ARK2C: variants seen among roughly 807,000 people sequenced by gnomAD.
ARK2C encodes E3 ubiquitin-protein ligase ARK2C.
the ARK2C span, among the ~76,000 whole-genome samples, chr18:46,439,814 GT>G: frequency 1.3e-5 from 2 of 152,162 alleles, no homozygotes; most frequent in African/African-American, 4.8e-5. Context: ...CTCATGGCCA[GT>G]TTTGTTTTTG....
chr18:46,459,738 G>A, the ARK2C span: 1 of 153,102 alleles, frequency 6.5e-6, no homozygotes, highest in East Asian at 1.9e-4. Context: ...CCCGGCACTG[G>A]TCAGGGAGTC....
chr18:46,437,510 C>G, the ARK2C span, among the ~76,000 whole-genome samples: 1 of 151,988 alleles, frequency 6.6e-6, no homozygotes, highest in South Asian at 2.1e-4. Context: ...GACTTCTGCC[C>G]TAGGTCATTC....
chr18:46,432,269 T>C, the ARK2C span, among the ~76,000 whole-genome samples: 1 of 152,240 alleles, frequency 6.6e-6, no homozygotes, highest in Non-Finnish European at 1.5e-5. Context: ...AGAGCTCAAA[T>C]TGAATGTAGC....
the ARK2C span, among the ~76,000 whole-genome samples, chr18:46,366,248 C>T: frequency 1.3e-4 from 19 of 142,048 alleles, no homozygotes; most frequent in South Asian, 1.1e-3. Flanking sequence ...GCCAAGATCA[C>T]GCCAGTGCAC....
the ARK2C span, among the ~76,000 whole-genome samples, chr18:46,426,947 C>A: frequency 6.6e-6 from 1 of 152,196 alleles, no homozygotes; most frequent in Non-Finnish European, 1.5e-5. Context: ...CATCACTGAT[C>A]GTTGATTTGT....
the ARK2C span, among the ~76,000 whole-genome samples, chr18:46,383,550 GTTTTTTTT>G: frequency 2.0e-5 from 2 of 97,892 alleles, no homozygotes; most frequent in African/African-American, 8.2e-5. Context: ...GGTTTTCTCT[GTTTTTTTT>G]TTTTTTTTTT....
chr18:46,361,654 G>A, the ARK2C span, among the ~76,000 whole-genome samples: 1 of 152,192 alleles, frequency 6.6e-6, no homozygotes, highest in Non-Finnish European at 1.5e-5. Flanking sequence ...TATGGCAGGA[G>A]CATGAAGCAA....
At chr18:46,397,172 G>A in the ARK2C span, among the ~76,000 whole-genome samples, 1 of 152,218 alleles carries the variant, frequency 6.6e-6, no homozygotes. Context: ...CAACTTGGAG[G>A]AGGAGGGTTG....
At chr18:46,405,008 A>G in the ARK2C span, among the ~76,000 whole-genome samples, 1 of 152,140 alleles carries the variant, frequency 6.6e-6, no homozygotes, top group African/African-American at 2.4e-5. Context: ...ACTGGACCAC[A>G]GAGCTTAGCT....
chr18:46,355,400 A>G, the ARK2C span, among the ~76,000 whole-genome samples: 1 of 152,090 alleles, frequency 6.6e-6, no homozygotes, highest in Non-Finnish European at 1.5e-5. Flanking sequence ...GTTCTATGGG[A>G]TGAGGATTCT....
the ARK2C span, among the ~76,000 whole-genome samples, chr18:46,442,034 G>A: frequency 4.0e-5 from 6 of 150,774 alleles, no homozygotes; most frequent in South Asian, 2.1e-4. Context: ...ATGGTGGCGC[G>A]CGCCTGTAGT....
chr18:46,334,138 C>T, the ARK2C span: 1 of 284,828 alleles, frequency 3.5e-6, no homozygotes, highest in Non-Finnish European at 5.2e-6. The surrounding 1 kb of genome is among the most constrained non-coding windows in gnomAD (Gnocchi z 4.4). Flanking sequence ...GCCGCCCCAC[C>T]GCCGCCCGCG....
At chr18:46,380,694 T>C in the ARK2C span, among the ~76,000 whole-genome samples, 1 of 152,160 alleles carries the variant, frequency 6.6e-6, no homozygotes, top group Non-Finnish European at 1.5e-5. Flanking sequence ...ACCCCCAGTA[T>C]CTGAGACTCT....
chr18:46,428,144 C>T, the ARK2C span, among the ~76,000 whole-genome samples: 22 of 151,776 alleles, frequency 1.4e-4, no homozygotes, highest in Non-Finnish European at 3.2e-4. Context: ...GGCGCAGTGG[C>T]TCACGTCTGT....
the ARK2C span, among the ~76,000 whole-genome samples, chr18:46,384,805 C>T: frequency 6.6e-6 from 1 of 152,118 alleles, no homozygotes; most frequent in Admixed American, 6.5e-5. Context: ...TTGCTTGAGG[C>T]CAGGAGTTCG....
chr18:46,357,484 T>G, the ARK2C span, among the ~76,000 whole-genome samples: 1 of 152,230 alleles, frequency 6.6e-6, no homozygotes, highest in African/African-American at 2.4e-5. Context: ...GGCCTGATTT[T>G]GGTGGGCTGT....
chr18:46,347,612 G>C, the ARK2C span, among the ~76,000 whole-genome samples: 9 of 152,186 alleles, frequency 5.9e-5, no homozygotes, highest in Non-Finnish European at 1.2e-4. Context: ...TGGATTAAAC[G>C]AGACGGTGGA....
At chr18:46,340,602 A>T in the ARK2C span, among the ~76,000 whole-genome samples, 2 of 152,194 alleles carry the variant, frequency 1.3e-5, no homozygotes, top group African/African-American at 4.8e-5. Context: ...GACTGCTGAG[A>T]TAAAAGAGCT....
chr18:46,422,550 T>G, the ARK2C span, among the ~76,000 whole-genome samples: 1 of 152,256 alleles, frequency 6.6e-6, no homozygotes, highest in South Asian at 2.1e-4. Flanking sequence ...CCCCACCGGC[T>G]TGCTCCCTGA....
Sources: gnomAD v4.1 joint callset for allele counts (sites outside exome capture counted in the v4.1 genomes callset) on GRCh38, gnomAD v4.1.1 for gene constraint, Gnocchi (gnomAD v3.1) non-coding constraint, MANE v1.5 for transcripts, NCBI Gene and HGNC (gene_info 2026-07-23, HGNC 2026-07-21) for gene names.